BTAF1: variants seen among roughly 807,000 people sequenced by gnomAD.
BTAF1 encodes the protein B-TFIID TATA-box binding protein associated factor 1, also known as TATA-binding protein-associated factor 172.
In BTAF1, 38 loss-of-function variants were observed where a neutral mutation model predicts 227.1. The ratio of observed to expected loss-of-function variants is 0.17; its 90% CI spans 0.13 to 0.22. The LOEUF (loss-of-function observed/expected upper bound fraction) is 0.22. Among genes scored for constraint, BTAF1 ranks in the 10% least tolerant of loss-of-function variants. BTAF1 has a pLI of 1.00. For synonymous variants in BTAF1, 742 were observed against 751.9 expected, an observed-to-expected ratio of 0.99 and a Z score of 0.21; for missense variants, 1,598 against 2,204.0, an observed-to-expected ratio of 0.73 and a Z score of 5.51.
At chr10:91,952,856 A>G (rs1187914848) in intron 5 of BTAF1, among the ~76,000 whole-genome samples, 1 of 152,236 alleles carries the variant, frequency 6.6e-6, no homozygotes, top group East Asian at 1.9e-4. Context: ...TAAAAATGCA[A>G]TAATATGATC....
chr10:91,980,634 C>A, intron 15 of BTAF1, 76 bp downstream of exon 15: 1 of 1,128,846 alleles, frequency 8.9e-7, no homozygotes, highest in Non-Finnish European at 1.3e-6. Flanking sequence ...AATTGCTGTT[C>A]TGTTGGTCAT....
chr10:91,936,904 A>G (rs1005693749), intron 2 of BTAF1, among the ~76,000 whole-genome samples: 1 of 152,172 alleles, frequency 6.6e-6, no homozygotes, highest in Non-Finnish European at 1.5e-5. Context: ...CATATTGGCT[A>G]CCATCAAATC....
chr10:91,984,036 G>A (rs1848236083), intron 18 of BTAF1, among the ~76,000 whole-genome samples, 165 bp from the exon 19 acceptor site: 1 of 152,106 alleles, frequency 6.6e-6, no homozygotes, highest in Non-Finnish European at 1.5e-5. Flanking sequence ...TAATTTGGAT[G>A]TAATACCTTT....
chr10:92,011,835 GT>G (rs1176254276), intron 30 of BTAF1, among the ~76,000 whole-genome samples: 2 of 152,086 alleles, frequency 1.3e-5, no homozygotes, highest in East Asian at 3.9e-4. Flanking sequence ...GATTGTAGAA[GT>G]TTATTTTGTA....
intron 30 of BTAF1, among the ~76,000 whole-genome samples, chr10:92,012,425 A>G (rs1344987706): frequency 1.4e-5 from 2 of 144,612 alleles, no homozygotes; most frequent in African/African-American, 5.2e-5. Flanking sequence ...AACACTGCAG[A>G]TTCTAATAAC....
chr10:91,957,823 A>G (rs1160035137), intron 8 of BTAF1, among the ~76,000 whole-genome samples: 1 of 152,158 alleles, frequency 6.6e-6, no homozygotes, highest in Non-Finnish European at 1.5e-5. Context: ...GTGTAATTCT[A>G]TTTAAAGTTA....
chr10:91,978,527 C>T (rs975695116), intron 14 of BTAF1, among the ~76,000 whole-genome samples: 1 of 152,106 alleles, frequency 6.6e-6, no homozygotes, highest in African/African-American at 2.4e-5. Flanking sequence ...TTTTTCTTCC[C>T]AGCTTCCCTT....
At chr10:92,025,010 T>C in intron 35 of BTAF1, 43 bp downstream of exon 35, 3 of 1,522,870 alleles carry the variant, frequency 2.0e-6, no homozygotes, top group East Asian at 2.3e-5. Flanking sequence ...AAATATATTA[T>C]TACTTACATA....
Position 91,924,204 on chromosome 10 carries a change from C to G in BTAF1, c.14+114C>G, listed in dbSNP as rs139828679. 1.3e-3 allele frequency: 1,762 copies of G among 1,408,256 alleles called. 20 individuals are homozygous for G. The African/African-American group carries it at 0.023, about 18-fold the overall frequency. 87.2% of individuals were successfully genotyped at this position (1,408,256 alleles called of 1,614,324 possible). On this transcript the variant is annotated intron_variant, in intron 1 of 37. Coordinates refer to ENST00000265990, the MANE Select transcript of BTAF1 (RefSeq NM_003972.3). ...TTCTCATTGTCACTGGGCTCTGGAG[C>G]TTTCTTCAGTAGACTTCGGAGTTCG...
intron 37 of BTAF1, 31 bp from the exon 38 acceptor site, chr10:92,028,759 A>ATTTTT: frequency 3.6e-6 from 5 of 1,386,476 alleles, no homozygotes; most frequent in East Asian, 2.5e-5. Flanking sequence ...CTCTCATTTT[A>ATTTTT]TTTTTTTTTT....
chr10:91,934,403 AT>A (rs759664071), intron 1 of BTAF1, among the ~76,000 whole-genome samples: 29 of 151,966 alleles, frequency 1.9e-4, no homozygotes, highest in South Asian at 1.9e-3. Context: ...CACCTGGCTG[AT>A]TTTTGTATTT....
chr10:91,925,598 G>T (rs1843773388), intron 1 of BTAF1, among the ~76,000 whole-genome samples: 1 of 142,670 alleles, frequency 7.0e-6, no homozygotes, highest in African/African-American at 2.5e-5. Flanking sequence ...TGCAAGCTCC[G>T]CATCCCGGGT....
At chr10:92,009,358 G>C in intron 28 of BTAF1, 150 bp downstream of exon 28, 1 of 844,404 alleles carries the variant, frequency 1.2e-6, no homozygotes, top group South Asian at 1.9e-5. Flanking sequence ...ACTTTGGGAA[G>C]ATATAATCAG....
In BTAF1 at chr10:92,011,307, C is replaced by T. The variant is rs1327728570; in HGVS notation, c.4203C>T (p.Cys1401=). 3 of 1,500,256 alleles carry T rather than the reference C, an allele frequency of 2.0e-6. No individual in the cohort carries two copies. Among genetic ancestry groups the T allele is most frequent in the Non-Finnish European group, 2.7e-6 (3 of 1,123,702 alleles). 92.9% of individuals were successfully genotyped at this position (1,500,256 alleles called of 1,614,324 possible). A position where few individuals can be genotyped will look rare whatever the true frequency, so the allele number is the denominator to read the frequency against. The change falls in exon 30 of 38, where the codon TGC becomes TGT. Residue 1401 remains cysteine (C), a synonymous_variant. Transcript: ENST00000265990. ...DFFRNIKFNY[C]ILDEGHVIKN... is the part of the protein sequence containing the mutation. ...TTAGAAATATTAAATTTAACTACTG[C>T]ATTCTTGATGAAGGCCATGTCATCA...
chr10:92,008,132 C>G lies in BTAF1; in HGVS notation c.3670C>G (p.Pro1224Ala). 2 of 1,580,992 alleles carry G rather than the reference C, an allele frequency of 1.3e-6. No homozygotes were observed. The highest frequency in any genetic ancestry group is 1.7e-6 in the Non-Finnish European group (2 of 1,171,752). The change falls in exon 26 of 38, where the codon CCA (proline) becomes GCA (alanine). Residue 1224 changes from proline to alanine, a missense_variant. By Grantham distance (27) the Pro-to-Ala change is conservative. Around this residue, in one of 10 missense-constraint regions of BTAF1, gnomAD observed 425 missense variants for 491.2 expected, o/e 0.87. Coordinates refer to ENST00000265990, the MANE Select transcript of BTAF1 (RefSeq NM_003972.3). ...IRLMPLEAGI[P>A]DPPNMSAELI... is the part of the protein sequence containing the mutation. ...AAAAAAATCATTTTAGGCAGGCATT[C>G]CAGACCCTCCAAACATGTCAGCAGA...
Position 91,964,124 on chromosome 10 carries a change from T to C in BTAF1, c.1452T>C (p.Asp484=). ...TGTGGGATGCTCTTCTGGAATTAGA[T>C]GATCTAACAGCTTCAACAAATAGTA... ...NTLWDALLEL[D]DLTASTNSIM... is the part of the protein sequence containing the mutation. Residue 484 remains aspartate, a synonymous_variant, in exon 13 of 38, where the codon GAT becomes GAC. Coordinates refer to ENST00000265990, the MANE Select transcript of BTAF1 (RefSeq NM_003972.3). 6.2e-7 allele frequency: 1 copy of C among 1,613,218 alleles called. No homozygotes were observed. Among genetic ancestry groups the C allele is most frequent in the East Asian group, 2.2e-5 (1 of 44,852 alleles).
chr10:91,940,479 G>A (rs1253615216), intron 3 of BTAF1, among the ~76,000 whole-genome samples: 1 of 151,838 alleles, frequency 6.6e-6, no homozygotes, highest in African/African-American at 2.4e-5. Context: ...GTGAAGTCTT[G>A]TTTTTTATGT....
chr10:91,953,641 C>T lies in BTAF1; in HGVS notation c.565-96C>T. 3 of 1,360,570 alleles carry T rather than the reference C, an allele frequency of 2.2e-6. No homozygotes were observed. In the South Asian group the frequency reaches 4.2e-5, roughly 19 times the overall value. 84.3% of individuals were successfully genotyped at this position (1,360,570 alleles called of 1,614,324 possible). On this transcript the variant is annotated intron_variant, in intron 5 of 37. Transcript: ENST00000265990. ...AAAGAATGTGATCGATGTATATATA[C>T]TGAAATTTATAGACTTGGTCTTCTT...
At chr10:91,953,932 TG>T in intron 6 of BTAF1, 59 bp downstream of exon 6, 1 of 1,582,462 alleles carries the variant, frequency 6.3e-7, no homozygotes, top group East Asian at 2.2e-5. Context: ...CTTTAATCTG[TG>T]TCTGCTTGAT....
Sources: allele counts gnomAD v4.1 joint callset (sites outside exome capture counted in the v4.1 genomes callset), GRCh38; gene constraint gnomAD v4.1.1; regional missense constraint gnomAD v4.1.1; transcripts MANE v1.5; gene names NCBI Gene and HGNC (gene_info 2026-07-23, HGNC 2026-07-21).